RNF217: variants seen among roughly 807,000 people sequenced by gnomAD.
RNF217 encodes E3 ubiquitin-protein ligase RNF217.
RNF217 carries 31 observed loss-of-function variants against 57.8 expected under a neutral mutation model. The ratio of observed to expected loss-of-function variants is 0.54; its 90% CI spans 0.40 to 0.72. The LOEUF (loss-of-function observed/expected upper bound fraction) is 0.72. RNF217 is among the 30% of genes least tolerant of loss of function. The pLI is 0.00. For missense variants in RNF217, 696 were observed against 708.3 expected, an observed-to-expected ratio of 0.98 and a Z score of 0.20; for synonymous variants, 313 against 294.0, an observed-to-expected ratio of 1.06 and a Z score of -0.66.
At chr6:124,993,094 AT>A (rs1261978261) in intron 1 of RNF217, among the ~76,000 whole-genome samples, 1 of 152,212 alleles carries the variant, frequency 6.6e-6, no homozygotes, top group Non-Finnish European at 1.5e-5. Flanking sequence ...TTGAGTTCAA[AT>A]AGTAAAATAT....
At chr6:124,989,668 A>T (rs1784483866) in intron 1 of RNF217, among the ~76,000 whole-genome samples, 1 of 152,152 alleles carries the variant, frequency 6.6e-6, no homozygotes, top group Admixed American at 6.5e-5. Context: ...ATCAATTATT[A>T]CTATTCTTTT....
rs1788611304 is a variant in RNF217 at position 125,082,495 on chromosome 6, G to T, written c.1556-369G>T. 3 of 1,612,492 alleles carry T rather than the reference G, an allele frequency of 1.9e-6. No homozygotes were observed. Among genetic ancestry groups the T allele is most frequent in the Non-Finnish European group, 2.5e-6 (3 of 1,179,058 alleles). The stretch of plus-strand genomic sequence containing the variant: ...GGAACCTCATAAGTGGTAGAACCAG[G>T]AATCAAACCCAACATTTGGCTCCAC... On this transcript the variant is annotated intron_variant, in intron 5 of 5. Coordinates refer to ENST00000521654, the MANE Select transcript of RNF217 (RefSeq NM_001286398.3).
chr6:125,027,151 A>G (rs1217551221), intron 1 of RNF217, among the ~76,000 whole-genome samples: 1 of 152,182 alleles, frequency 6.6e-6, no homozygotes, highest in Non-Finnish European at 1.5e-5. Flanking sequence ...CCTTTGAGTT[A>G]CAAAAAATCC....
rs1788970309 is a variant in RNF217, at chr6:125,092,070, A to C, written c.*9133A>C. 6.6e-6 allele frequency: 1 copy of C among 152,210 alleles called. No individual in the cohort carries two copies. The highest frequency in any genetic ancestry group is 1.5e-5 in the Non-Finnish European group (1 of 68,030). 9.4% of individuals were successfully genotyped at this position (152,210 alleles called of 1,614,324 possible). A position where few individuals can be genotyped will look rare whatever the true frequency, so the allele number is the denominator to read the frequency against. On this transcript the variant is annotated 3_prime_UTR_variant, in exon 6 of 6. Coordinates refer to ENST00000521654, the MANE Select transcript of RNF217 (RefSeq NM_001286398.3). Reference sequence around the variant, plus strand: ...GCAGTTATGTGTAAATATTTGACAAAGAAAAAAAAAGGAAAAGAATCTTCC... The same window carrying C: ...GCAGTTATGTGTAAATATTTGACAACGAAAAAAAAAGGAAAAGAATCTTCC...
chr6:125,078,204 G>A (rs944866838), intron 4 of RNF217, among the ~76,000 whole-genome samples: 2 of 152,184 alleles, frequency 1.3e-5, no homozygotes, highest in South Asian at 2.1e-4. Flanking sequence ...GATATTGGAG[G>A]GATAACTAGG....
intron 3 of RNF217, among the ~76,000 whole-genome samples, chr6:125,073,547 A>G (rs1788233464): frequency 6.6e-6 from 1 of 152,178 alleles, no homozygotes; most frequent in Admixed American, 6.5e-5. Context: ...CACTATGACT[A>G]AAAAAGTTAG....
intron 2 of RNF217, 147 bp downstream of exon 2, chr6:125,045,591 G>A: frequency 1.6e-6 from 1 of 618,026 alleles, no homozygotes; most frequent in African/African-American, 1.8e-5. Flanking sequence ...AAAGCATATG[G>A]TTTGGGGAGG....
rs1788640707 is a variant in RNF217, at chr6:125,083,138, T to C, written c.*201T>C. On this transcript the variant is annotated 3_prime_UTR_variant, in exon 6 of 6. Transcript: ENST00000521654. The stretch of plus-strand genomic sequence containing the variant: ...CCTGTCCTTTCCCTAAACAAATTGC[T>C]GCTGCTTTTAAAAAATGGTCACTTT... 2.3e-6 allele frequency: 1 copy of C among 434,114 alleles called. No homozygotes were observed. The highest frequency in any genetic ancestry group is 4.2e-5 in the Admixed American group (1 of 23,696). The allele number at this position is 434,114 out of a possible 1,614,324, so 26.9% of individuals were successfully genotyped here. A position where few individuals can be genotyped will look rare whatever the true frequency, so the allele number is the denominator to read the frequency against.
intron 5 of RNF217, 52 bp downstream of exon 5, chr6:125,081,559 A>G (rs1224899348): frequency 7.2e-7 from 1 of 1,396,884 alleles, no homozygotes; most frequent in East Asian, 2.3e-5. Flanking sequence ...GGCCATAGAG[A>G]GAATACGAGT....
chr6:124,999,517 T>C (rs1784889970), intron 1 of RNF217, among the ~76,000 whole-genome samples: 1 of 152,174 alleles, frequency 6.6e-6, no homozygotes, highest in African/African-American at 2.4e-5. Context: ...TAGTGTGATC[T>C]TGTAGAAAAT....
intron 3 of RNF217, among the ~76,000 whole-genome samples, chr6:125,063,860 AT>A (rs1372223360): frequency 1.3e-5 from 2 of 152,180 alleles, no homozygotes; most frequent in Non-Finnish European, 2.9e-5. Flanking sequence ...TTTATTATAA[AT>A]TTGGAATTAG....
chr6:124,995,969 G>T (rs529677015), intron 1 of RNF217, among the ~76,000 whole-genome samples: 90 of 151,982 alleles, frequency 5.9e-4, no homozygotes, highest in Non-Finnish European at 1.1e-3. Flanking sequence ...AATATTTCTG[G>T]GTTTTTTTTT....
At chr6:125,058,831 TA>T (rs1787619451) in intron 3 of RNF217, among the ~76,000 whole-genome samples, 3 of 152,176 alleles carry the variant, frequency 2.0e-5, no homozygotes, top group African/African-American at 7.2e-5. Context: ...TTGAAAGTTT[TA>T]AAAAATCTTA....
chr6:124,980,204 C>A (rs551601134), intron 1 of RNF217, among the ~76,000 whole-genome samples: 1 of 152,078 alleles, frequency 6.6e-6, no homozygotes, highest in African/African-American at 2.4e-5. Flanking sequence ...ACATCTTTTG[C>A]GAAGATGTCC....
At chr6:125,006,058 T>C (rs938590689) in intron 1 of RNF217, 4 of 152,190 alleles carry the variant, frequency 2.6e-5, no homozygotes, top group Non-Finnish European at 4.4e-5. Flanking sequence ...GCTTTCAAAG[T>C]CTGTACTGTT....
chr6:125,003,120 A>ACG (rs1785051106), intron 1 of RNF217, among the ~76,000 whole-genome samples: 1 of 152,188 alleles, frequency 6.6e-6, no homozygotes, highest in Non-Finnish European at 1.5e-5. Flanking sequence ...AAACACACAC[A>ACG]CACACACATA....
In RNF217 at chr6:125,088,332, A is replaced by G. The variant is rs1282646287; in HGVS notation, c.*5395A>G. ...AACCAATGATACAAATCTTTAAGAA[A>G]GAATTACAGTGGGACTCCTTTGAAA... is the stretch of plus-strand genomic sequence containing the variant. On this transcript the variant is annotated 3_prime_UTR_variant, in exon 6 of 6. Coordinates refer to ENST00000521654, the MANE Select transcript of RNF217 (RefSeq NM_001286398.3). 1.3e-5 allele frequency: 2 copies of G among 152,170 alleles called. No homozygotes were observed. Among genetic ancestry groups the G allele is most frequent in the African/African-American group, 4.8e-5 (2 of 41,452 alleles). 9.4% of individuals were successfully genotyped at this position (152,170 alleles called of 1,614,324 possible).
At chr6:125,040,656 A>G (rs1383334316) in intron 1 of RNF217, among the ~76,000 whole-genome samples, 3 of 152,214 alleles carry the variant, frequency 2.0e-5, no homozygotes, top group African/African-American at 7.2e-5. Flanking sequence ...CTTCAGGCCA[A>G]AATCCCTCAT....
intron 1 of RNF217, among the ~76,000 whole-genome samples, chr6:125,027,747 T>G (rs1175206387): frequency 1.3e-5 from 2 of 152,196 alleles, no homozygotes; most frequent in Admixed American, 1.3e-4. Context: ...TCCATAGTGG[T>G]TGTACTAATT....
Sources: gnomAD v4.1 joint callset for allele counts (sites outside exome capture counted in the v4.1 genomes callset) on GRCh38, gnomAD v4.1.1 for gene constraint, MANE v1.5 for transcripts, NCBI Gene and HGNC (gene_info 2026-07-23, HGNC 2026-07-21) for gene names.